The following AVEN variants were observed in gnomAD, a reference collection of about 807,000 sequenced individuals.
AVEN encodes the protein cell death regulator Aven.
AVEN carries 41 observed loss-of-function variants against 38.1 expected under a neutral mutation model. The observed-to-expected ratio is 1.08, with a 90% CI of 0.84 to 1.40. AVEN has a LOEUF of 1.40. AVEN is among the 40% of genes most tolerant of loss of function. The pLI, the probability that AVEN is intolerant of heterozygous loss-of-function variation, is 0.00. For missense variants in AVEN, 605 were observed against 438.8 expected (o/e 1.38, Z -3.38); for synonymous variants, 206 against 171.8 (o/e 1.20, Z -1.56).
At chr15:33,927,380 A>C (rs1262274521) in intron 2 of AVEN, among the ~76,000 whole-genome samples, 1 of 151,836 alleles carries the variant, frequency 6.6e-6, no homozygotes, top group Admixed American at 6.5e-5. Context: ...AAATGAATTA[A>C]TTACCAATAA....
At chr15:33,985,199 C>T (rs553455503) in intron 2 of AVEN, among the ~76,000 whole-genome samples, 1 of 152,092 alleles carries the variant, frequency 6.6e-6, no homozygotes, top group African/African-American at 2.4e-5. Flanking sequence ...TTCATGGGTG[C>T]TAGCAGAAGA....
rs71119903 is a variant in AVEN at position 33,931,349 on chromosome 15, C to CT, written c.446-55355dup. Among the ~76,000 whole-genome samples the CT allele has an allele frequency of 3.8e-4, 34 of 89,270 alleles. 3 individuals carry two copies. The highest frequency in any genetic ancestry group is 5.1e-4 in the Non-Finnish European group (25 of 48,894). 58.6% of individuals were successfully genotyped at this position (89,270 alleles called of 152,430 possible). On this transcript the variant is annotated intron_variant, in intron 2 of 5. Transcript: ENST00000306730. ...AAAAAGAAACTATGCTGAATATTTTCTTTTTTTTTTTTTTTTTTTTTTTTT... is the reference window on the plus strand; with the variant it reads ...AAAAAGAAACTATGCTGAATATTTTCTTTTTTTTTTTTTTTTTTTTTTTTTT...
At position 34,073,989 on chromosome 15, in the gene AVEN, C is replaced by CTTTTTTTTTTTT. The variant is rs5811818; in HGVS notation, n.720+435_720+446dup. On this transcript the variant is annotated intron_variant and non_coding_transcript_variant, in intron 1 of 11. Transcript: ENST00000675287. ...AGGAACTTTCTTTTTTCTTCTTCTT[C>CTTTTTTTTTTTT]TTTTTTTTTTTTTTTTTTTTTTTTT... Among the ~76,000 whole-genome samples the CTTTTTTTTTTTT allele has an allele frequency of 1.3e-3, 42 of 31,506 alleles. 1 individual carries two copies. The highest frequency in any genetic ancestry group is 2.6e-3 in the African/African-American group (39 of 15,228). The allele number at this position is 31,506 out of a possible 152,430, so 20.7% of individuals were successfully genotyped here.
chr15:33,857,990 G>T (rs1205259349), downstream of AVEN: 6 of 1,580,376 alleles, frequency 3.8e-6, no homozygotes, highest in Non-Finnish European at 5.2e-6. Flanking sequence ...TGGGAAGAAG[G>T]GCTGTGTGGG....
At chr15:34,004,641 T>C (rs1052502242) in intron 1 of AVEN, among the ~76,000 whole-genome samples, 4 of 152,152 alleles carry the variant, frequency 2.6e-5, no homozygotes, top group African/African-American at 9.7e-5. Context: ...CTGAACTCTT[T>C]ATGGATGAAA....
chr15:33,896,555 T>C (rs1892241547), intron 2 of AVEN, among the ~76,000 whole-genome samples: 1 of 152,222 alleles, frequency 6.6e-6, no homozygotes, highest in Non-Finnish European at 1.5e-5. Flanking sequence ...CCTCATTTGA[T>C]GTGTTTAACA....
At chr15:33,898,488 C>A (rs1459770048) in intron 2 of AVEN, among the ~76,000 whole-genome samples, 3 of 152,174 alleles carry the variant, frequency 2.0e-5, no homozygotes, top group Non-Finnish European at 2.9e-5. Context: ...TTCCTAGCAT[C>A]TAGCCTTGCT....
intron 1 of AVEN, among the ~76,000 whole-genome samples, chr15:34,003,486 T>C (rs191083213): frequency 6.6e-6 from 1 of 152,364 alleles, no homozygotes; most frequent in Admixed American, 6.5e-5. Context: ...CCTATTTCAA[T>C]AGTTGCTTCA....
chr15:34,001,170 G>A (rs1359307021), intron 2 of AVEN, among the ~76,000 whole-genome samples: 2 of 151,812 alleles, frequency 1.3e-5, no homozygotes, highest in African/African-American at 4.8e-5. Flanking sequence ...ACAGGTGCCC[G>A]CCACCACGCC....
rs1052095244 is a variant in AVEN, at chr15:34,049,593, G to A, written n.1637+13329C>T. On this transcript the variant is annotated intron_variant and non_coding_transcript_variant, in intron 5 of 11. Transcript: ENST00000675287. ...TGAAAGAGACAGGGAGAATGGAACC[G>A]AGTTGGAAAACATACTTCAGGATAT... Among the ~76,000 whole-genome samples, 12 of 152,044 alleles carry A rather than the reference G, an allele frequency of 7.9e-5. No homozygotes were observed. The South Asian group carries it at 8.3e-4, about 11-fold the overall frequency.
At chr15:33,993,671 ATC>A (rs1896819326) in intron 2 of AVEN, among the ~76,000 whole-genome samples, 1 of 152,122 alleles carries the variant, frequency 6.6e-6, no homozygotes, top group Non-Finnish European at 1.5e-5. Flanking sequence ...ATAAATAACA[ATC>A]ATCCAGGCCA....
intron 1 of AVEN, among the ~76,000 whole-genome samples, chr15:34,027,528 CA>C (rs35780353): frequency 4.7e-4 from 62 of 132,538 alleles, no homozygotes; most frequent in Admixed American, 2.0e-3. Context: ...GACTCTGTCT[CA>C]AAAAAAAAAA....
intron 2 of AVEN, among the ~76,000 whole-genome samples, chr15:34,068,967 A>T (rs1597398526): frequency 6.6e-6 from 1 of 151,600 alleles, no homozygotes. Flanking sequence ...GCCTGCCACC[A>T]CGCCCGGCTA....
intron 2 of AVEN, among the ~76,000 whole-genome samples, chr15:33,985,839 A>G (rs1896421910): frequency 6.6e-6 from 1 of 152,152 alleles, no homozygotes; most frequent in East Asian, 1.9e-4. Context: ...GAAATGTTCA[A>G]AAATAGAAGT....
At chr15:33,880,205 G>A (rs999179045) in intron 2 of AVEN, among the ~76,000 whole-genome samples, 2 of 152,036 alleles carry the variant, frequency 1.3e-5, no homozygotes, top group African/African-American at 2.4e-5. Flanking sequence ...AAAAAGACCT[G>A]AAAAGTCTTA....
intron 2 of AVEN, among the ~76,000 whole-genome samples, chr15:34,070,376 C>CT (rs58766132): frequency 0.082 from 11,760 of 142,888 alleles, 702 homozygotes; most frequent in East Asian, 0.32. Context: ...TTCTTTGTTT[C>CT]TTTTTTTTTT....
intron 1 of AVEN, among the ~76,000 whole-genome samples, chr15:34,013,857 G>C (rs899596980): frequency 1.3e-5 from 2 of 152,156 alleles, no homozygotes; most frequent in African/African-American, 2.4e-5. Context: ...GCGAGAAACA[G>C]TTCTGCTCTA....
intron 5 of AVEN, among the ~76,000 whole-genome samples, chr15:34,045,855 T>C (rs1434898866): frequency 1.3e-5 from 2 of 152,226 alleles, no homozygotes; most frequent in Non-Finnish European, 2.9e-5. Flanking sequence ...TTGTAATGTA[T>C]TGACAGCAGA....
intron 1 of AVEN, among the ~76,000 whole-genome samples, chr15:34,037,890 T>C (rs1899223607): frequency 1.3e-5 from 2 of 152,214 alleles, no homozygotes; most frequent in African/African-American, 4.8e-5. Flanking sequence ...AAAGAATTTT[T>C]TAAATCAGTG....
Sources: allele counts gnomAD v4.1 joint callset (sites outside exome capture counted in the v4.1 genomes callset), GRCh38; gene constraint gnomAD v4.1.1; transcripts MANE v1.5; gene names NCBI Gene and HGNC (gene_info 2026-07-23, HGNC 2026-07-21).